The following RIMS2 variants were observed in gnomAD, a reference collection of about 807,000 sequenced individuals.
RIMS2 encodes the protein regulating synaptic membrane exocytosis protein 2.
In RIMS2, 59 loss-of-function variants were observed where a neutral mutation model predicts 174.4. The ratio of observed to expected loss-of-function variants is 0.34; its 90% CI spans 0.27 to 0.42. RIMS2 has a LOEUF of 0.42. Ranked by LOEUF, RIMS2 falls within the 10% of genes least tolerant of loss-of-function variation. The probability of loss-of-function intolerance (pLI) is 1.00; values close to 1 mark genes in which losing one functional copy is unlikely to be tolerated. For synonymous variants in RIMS2, 606 were observed against 572.5 expected, an observed-to-expected ratio of 1.06 and a Z score of -0.84; for missense variants, 1,620 against 1,666.3, an observed-to-expected ratio of 0.97 and a Z score of 0.48.
chr8:104,034,094 C>T (rs996904138), intron 19 of RIMS2, among the ~76,000 whole-genome samples: 47 of 152,236 alleles, frequency 3.1e-4, no homozygotes, highest in African/African-American at 1.1e-3. Flanking sequence ...ATCAGAAAAA[C>T]TGTATGGGAA....
chr8:104,136,949 T>A (rs1402750840), intron 19 of RIMS2, among the ~76,000 whole-genome samples: 8 of 152,248 alleles, frequency 5.3e-5, no homozygotes, highest in African/African-American at 1.9e-4. Context: ...GATTTAAAAG[T>A]TAAAAAAAAT....
rs191796462 is a variant in RIMS2, at chr8:104,225,689, A to G, written c.3335-19227A>G. 2.5e-4 allele frequency among the ~76,000 whole-genome samples: 38 copies of G among 152,084 alleles called. 1 individual carries two copies. Among genetic ancestry groups the G allele is most frequent in the African/African-American group, 7.7e-4 (32 of 41,470 alleles). On this transcript the variant is annotated intron_variant, in intron 19 of 23. Coordinates refer to ENST00000504942, the Ensembl canonical transcript of RIMS2. ...CTCACACAGACTAATCCCAAAGGAA[A>G]TTCCTACATCTACACATGGAAATTG...
intron 4 of RIMS2, among the ~76,000 whole-genome samples, chr8:103,891,761 C>T (rs2099247314): frequency 6.6e-6 from 1 of 151,956 alleles, no homozygotes; most frequent in African/African-American, 2.4e-5. Context: ...TTGAAATTAG[C>T]ACAACACACT....
chr8:103,888,807 T>A (rs80189322), intron 4 of RIMS2, among the ~76,000 whole-genome samples: 1 of 151,674 alleles, frequency 6.6e-6, no homozygotes, highest in Non-Finnish European at 1.5e-5. Context: ...CACTTTTTTT[T>A]ATTCCAAAAC....
intron 19 of RIMS2, among the ~76,000 whole-genome samples, chr8:104,172,289 T>G (rs907402711): frequency 6.6e-6 from 1 of 152,052 alleles, no homozygotes; most frequent in African/African-American, 2.4e-5. Flanking sequence ...AATGTTAGCT[T>G]TTAAGATGTG....
chr8:104,225,974 C>T (rs2441791), intron 19 of RIMS2, among the ~76,000 whole-genome samples: 48,960 of 152,008 alleles, frequency 0.32, 8,065 homozygotes, highest in African/African-American at 0.39. Context: ...TTTCAACATA[C>T]TCTGCAGGAT....
At chr8:104,240,077 G>A (rs1245439736) in intron 19 of RIMS2, among the ~76,000 whole-genome samples, 1 of 152,126 alleles carries the variant, frequency 6.6e-6, no homozygotes, top group Non-Finnish European at 1.5e-5. Context: ...GAAGTATATT[G>A]AATTTTCTTG....
intron 19 of RIMS2, among the ~76,000 whole-genome samples, chr8:104,162,146 A>G (rs567633258): frequency 1.3e-5 from 2 of 152,188 alleles, no homozygotes; most frequent in Non-Finnish European, 2.9e-5. Context: ...GGTGCAGTGC[A>G]TGGACATCTT....
chr8:103,604,885 TAAG>T (rs1328874268), intron 1 of RIMS2, among the ~76,000 whole-genome samples: 2 of 72,976 alleles, frequency 2.7e-5, no homozygotes, highest in Non-Finnish European at 5.1e-5. Flanking sequence ...CTTATCAGCT[TAAG>T]GAGATTTTGG....
intron 3 of RIMS2, among the ~76,000 whole-genome samples, chr8:103,825,939 T>C (rs572172761): frequency 1.3e-5 from 2 of 152,268 alleles, no homozygotes; most frequent in East Asian, 3.9e-4. Context: ...TTTGGTGATA[T>C]AGGTTTTTAA....
intron 1 of RIMS2, among the ~76,000 whole-genome samples, chr8:103,627,822 G>A (rs1312895985): frequency 6.6e-6 from 1 of 152,170 alleles, no homozygotes; most frequent in Admixed American, 6.5e-5. Flanking sequence ...ATTTGGTGTA[G>A]AAAAAATAAT....
At chr8:103,678,048 C>T (rs190638496) in intron 1 of RIMS2, among the ~76,000 whole-genome samples, 24 of 152,112 alleles carry the variant, frequency 1.6e-4, no homozygotes, top group African/African-American at 4.3e-4. Context: ...AGATGTATGG[C>T]GAAACCTTTA....
intron 3 of RIMS2, among the ~76,000 whole-genome samples, chr8:103,775,385 T>G (rs547952364): frequency 1.3e-5 from 2 of 152,254 alleles, no homozygotes; most frequent in African/African-American, 4.8e-5. Context: ...AAATCACCAA[T>G]GTTTTTCTTA....
chr8:103,540,374 G>A (rs143076586), intron 1 of RIMS2, among the ~76,000 whole-genome samples: 248 of 152,300 alleles, frequency 1.6e-3, no homozygotes, highest in Admixed American at 3.5e-3. Context: ...AATGTTGGCC[G>A]CTGAGGATCC....
intron 1 of RIMS2, among the ~76,000 whole-genome samples, chr8:103,686,909 AT>A (rs1272370706): frequency 6.6e-6 from 1 of 152,000 alleles, no homozygotes; most frequent in Non-Finnish European, 1.5e-5. Flanking sequence ...CTACAGGTAT[AT>A]ACCACCATGC....
intron 1 of RIMS2, among the ~76,000 whole-genome samples, chr8:103,520,409 TC>T (rs1331207482): frequency 1.3e-5 from 2 of 152,132 alleles, no homozygotes; most frequent in Non-Finnish European, 1.5e-5. Flanking sequence ...TGAGTATTTG[TC>T]CTTGAACATT....
intron 1 of RIMS2, among the ~76,000 whole-genome samples, chr8:103,536,247 A>G (rs1289718702): frequency 1.3e-5 from 2 of 152,174 alleles, no homozygotes; most frequent in East Asian, 3.9e-4. Flanking sequence ...AAACAAGGGC[A>G]CTTTTGTGTG....
At chr8:103,969,637 T>C (rs567396389) in intron 15 of RIMS2, among the ~76,000 whole-genome samples, 1 of 152,368 alleles carries the variant, frequency 6.6e-6, no homozygotes, top group South Asian at 2.1e-4. Context: ...TGTATATTAA[T>C]CATAGTGGTT....
intron 1 of RIMS2, among the ~76,000 whole-genome samples, chr8:103,570,661 G>T (rs1192031277): frequency 6.6e-6 from 1 of 152,018 alleles, no homozygotes; most frequent in African/African-American, 2.4e-5. Flanking sequence ...TAACATGATA[G>T]GTATCAATAA....
Sources: allele counts gnomAD v4.1 joint callset (sites outside exome capture counted in the v4.1 genomes callset), GRCh38; gene constraint gnomAD v4.1.1; transcripts MANE v1.5; gene names NCBI Gene and HGNC (gene_info 2026-07-23, HGNC 2026-07-21).